The following SRRM3 variants were observed in gnomAD, a reference collection of about 807,000 sequenced individuals.
The protein encoded by SRRM3 is serine/arginine repetitive matrix protein 3.
A neutral mutation model predicts 66.2 loss-of-function variants in SRRM3; 27 were observed. That is an observed-to-expected ratio of 0.41 (90% CI 0.30 to 0.56). The LOEUF is 0.56. SRRM3 is among the 20% of genes least tolerant of loss of function. SRRM3 has a pLI of 0.32. For missense variants in SRRM3, 918 were observed against 991.9 expected, an observed-to-expected ratio of 0.93 and a Z score of 1.00; for synonymous variants, 391 against 414.9, an observed-to-expected ratio of 0.94 and a Z score of 0.70.
chr7:76,203,445 A>G (rs1800210781), intron 1 of SRRM3, among the ~76,000 whole-genome samples: 1 of 152,258 alleles, frequency 6.6e-6, no homozygotes, highest in East Asian at 1.9e-4. Flanking sequence ...GTTGAAAGAA[A>G]TAATCTGGAT....
chr7:76,244,490 C>G (rs1801388304), intron 2 of SRRM3, among the ~76,000 whole-genome samples: 5 of 146,582 alleles, frequency 3.4e-5, no homozygotes, highest in Admixed American at 2.8e-4. Flanking sequence ...TGCCACTGCA[C>G]TCTAGCCTGG....
At chr7:76,283,530 C>G in intron 14 of SRRM3, 1 of 458,320 alleles carries the variant, frequency 2.2e-6, no homozygotes, top group South Asian at 1.6e-5. Flanking sequence ...CAAGGTCCAG[C>G]CTGCTGAGTG....
intron 11 of SRRM3, among the ~76,000 whole-genome samples, chr7:76,279,886 G>A (rs1283462922): frequency 4.6e-5 from 7 of 152,076 alleles, no homozygotes; most frequent in African/African-American, 1.7e-4. Context: ...CTCAGGAGCC[G>A]GGCGCTGCCA....
In SRRM3 at chr7:76,235,370, T is replaced by C. The variant is rs868928867; in HGVS notation, c.233+71T>C. 219 of 1,262,326 alleles carry C rather than the reference T, an allele frequency of 1.7e-4. No homozygotes were observed. The Middle Eastern group carries it at 3.9e-3, about 22-fold the overall frequency. The allele number at this position is 1,262,326 out of a possible 1,614,324, so 78.2% of individuals were successfully genotyped here. A position where few individuals can be genotyped will look rare whatever the true frequency, so the allele number is the denominator to read the frequency against. ...CGAGGGTGGGAGAAGCGAGTGATGCTGCACGTGGGCGTGGCGAACGTCGTG... is the reference window on the plus strand; with the variant it reads ...CGAGGGTGGGAGAAGCGAGTGATGCCGCACGTGGGCGTGGCGAACGTCGTG... On this transcript the variant is annotated intron_variant, in intron 2 of 14. Coordinates refer to ENST00000611745, the MANE Select transcript of SRRM3 (RefSeq NM_001110199.3).
chr7:76,251,663 C>T (rs1563626086), intron 3 of SRRM3, among the ~76,000 whole-genome samples: 1 of 152,024 alleles, frequency 6.6e-6, no homozygotes, highest in East Asian at 1.9e-4. Context: ...CGTGAGCCAC[C>T]GCGCCCGGCC....
chr7:76,244,523 C>CAAA (rs10611441), intron 2 of SRRM3, among the ~76,000 whole-genome samples: 1 of 112,186 alleles, frequency 8.9e-6, no homozygotes, highest in Non-Finnish European at 1.8e-5. Context: ...GACTCCATCT[C>CAAA]AAAAAAAAAA....
chr7:76,248,229 G>A lies in SRRM3; in HGVS notation c.275G>A (p.Arg92Gln), dbSNP rs781784590. Reference sequence around the variant, plus strand: ...ATTCGGCAGAAAGTGGGGACATTCCGGCAGATGCTGATGGAGAAGGAGGGA... The same window carrying A: ...ATTCGGCAGAAAGTGGGGACATTCCAGCAGATGCTGATGGAGAAGGAGGGA... Reference protein sequence around the residue: ...EEIRQKVGTFRQMLMEKEGVL... With the variant: ...EEIRQKVGTFQQMLMEKEGVL... Residue 92 changes from arginine (R) to glutamine (Q), a missense_variant, in exon 3 of 15, where the codon CGG becomes CAG. Coordinates refer to ENST00000611745, the MANE Select transcript of SRRM3 (RefSeq NM_001110199.3). The A allele has an allele frequency of 5.6e-6, 9 of 1,613,698 alleles. No individual in the cohort carries two copies. The highest frequency in any genetic ancestry group is 2.2e-5 in the East Asian group (1 of 44,904).
Position 76,282,749 on chromosome 7 carries a change from G to A in SRRM3, c.1472G>A (p.Ser491Asn). Reference sequence around the variant, plus strand: ...CCAGAAGGGAAGAGCTCGTCGCGCAGCCCCGGCCCGCACCCCCGCTCCTGG... The same window carrying A: ...CCAGAAGGGAAGAGCTCGTCGCGCAACCCCGGCCCGCACCCCCGCTCCTGG... Reference protein sequence around the residue: ...GGPEGKSSSRSPGPHPRSWSS... With the variant: ...GGPEGKSSSRNPGPHPRSWSS... Residue 491 changes from serine (S) to asparagine (N), a missense_variant, in exon 13 of 15, where the codon AGC becomes AAC. Ser to Asn is a conservative substitution (Grantham distance 46). Coordinates refer to ENST00000611745, the MANE Select transcript of SRRM3 (RefSeq NM_001110199.3). The A allele has an allele frequency of 6.8e-7, 1 of 1,464,230 alleles. No individual in the cohort carries two copies. Among genetic ancestry groups the A allele is most frequent in the Non-Finnish European group, 9.0e-7 (1 of 1,114,148 alleles). The allele number at this position is 1,464,230 out of a possible 1,614,324, so 90.7% of individuals were successfully genotyped here.
intron 3 of SRRM3, among the ~76,000 whole-genome samples, chr7:76,249,157 G>A (rs371059133): frequency 4.0e-5 from 6 of 151,700 alleles, no homozygotes; most frequent in African/African-American, 1.5e-4. Flanking sequence ...AGGCCAAGGT[G>A]GGAGGATTGC....
rs147115066 is a variant in SRRM3 at position 76,241,954 on chromosome 7, C to T, written c.234-6234C>T. On this transcript the variant is annotated intron_variant, in intron 2 of 14. Transcript: ENST00000611745. Reference sequence around the variant, plus strand: ...AAAGAAAATAAGTTTACTTGGCTCACGGTTCTAGAGGCTTGTACAGAAGCA... The same window carrying T: ...AAAGAAAATAAGTTTACTTGGCTCATGGTTCTAGAGGCTTGTACAGAAGCA... Among the ~76,000 whole-genome samples, 365 of 152,286 alleles carry T rather than the reference C, an allele frequency of 2.4e-3. 2 individuals carry two copies. Among genetic ancestry groups the T allele is most frequent in the African/African-American group, 8.5e-3 (352 of 41,558 alleles).
chr7:76,264,293 A>G lies in SRRM3; in HGVS notation c.675-472A>G, dbSNP rs574390351. ...GCGATTCTCTTGCCTCAGCCTCCCT[A>G]GTAGCTGGGATTATAGGCACACACC... On this transcript the variant is annotated intron_variant, in intron 8 of 14. Coordinates refer to ENST00000611745, the MANE Select transcript of SRRM3 (RefSeq NM_001110199.3). 9.3e-5 allele frequency among the ~76,000 whole-genome samples: 14 copies of G among 150,898 alleles called. No individual in the cohort carries two copies. The South Asian group carries it at 2.9e-3, about 31-fold the overall frequency.
chr7:76,278,620 C>A (rs1802420699), intron 11 of SRRM3, among the ~76,000 whole-genome samples: 1 of 152,200 alleles, frequency 6.6e-6, no homozygotes, highest in Non-Finnish European at 1.5e-5. Flanking sequence ...AGGAAATATC[C>A]ATTGTGCCCA....
At chr7:76,205,283 C>T (rs1191551354) in intron 1 of SRRM3, among the ~76,000 whole-genome samples, 1 of 152,168 alleles carries the variant, frequency 6.6e-6, no homozygotes, top group Non-Finnish European at 1.5e-5. Flanking sequence ...AATCTCAGCT[C>T]ACTGCAACCT....
At chr7:76,235,537 G>GTAT (rs1249599250) in intron 2 of SRRM3, among the ~76,000 whole-genome samples, 3 of 152,172 alleles carry the variant, frequency 2.0e-5, no homozygotes, top group Non-Finnish European at 4.4e-5. Flanking sequence ...TTTCATTTAT[G>GTAT]TATTAGGTTG....
Position 76,281,711 on chromosome 7 carries a change from C to A in SRRM3, c.1279C>A (p.Arg427Ser). ...CTCGTCGCGCTCGCTCAGCAGGGCC[C>A]GCTCCAGCAGCGACTCCGGCAGCGG... ...RGSSRSLSRA[R>S]SSSDSGSGRG... Residue 427 changes from arginine (R) to serine (S), a missense_variant, in exon 12 of 15, where the codon CGC (arginine) becomes AGC (serine). By Grantham distance (110) the Arg-to-Ser change is moderately radical. Coordinates refer to ENST00000611745, the MANE Select transcript of SRRM3 (RefSeq NM_001110199.3). 1 of 1,199,676 alleles carries A rather than the reference C, an allele frequency of 8.3e-7. No individual in the cohort carries two copies. The highest frequency in any genetic ancestry group is 1.0e-6 in the Non-Finnish European group (1 of 962,048). The allele number at this position is 1,199,676 out of a possible 1,614,324, so 74.3% of individuals were successfully genotyped here. A position where few individuals can be genotyped will look rare whatever the true frequency, so the allele number is the denominator to read the frequency against.
chr7:76,264,658 A>T, intron 8 of SRRM3, 107 bp from the exon 9 acceptor site: 1 of 1,192,414 alleles, frequency 8.4e-7, no homozygotes, highest in Non-Finnish European at 1.2e-6. Context: ...CTTAGGCCCT[A>T]GAGTGGAACA....
At chr7:76,215,781 C>T (rs1285835256) in intron 1 of SRRM3, among the ~76,000 whole-genome samples, 1 of 148,270 alleles carries the variant, frequency 6.7e-6, no homozygotes, top group Non-Finnish European at 1.5e-5. Context: ...CATGTGCCAC[C>T]ACACCTGGCT....
In SRRM3 at chr7:76,214,780, GA is replaced by G. The variant is rs1246925165; in HGVS notation, c.-40+12723del. On this transcript the variant is annotated intron_variant, in intron 1 of 14. Transcript: ENST00000611745. ...TGAGAAACTTTCCTTTTTGTAAAAA[GA>G]AAAAAAAAATAGAGATGGGGTCTTG... 8.6e-3 allele frequency among the ~76,000 whole-genome samples: 1,278 copies of G among 148,436 alleles called. 25 individuals carry two copies. The highest frequency in any genetic ancestry group is 0.029 in the African/African-American group (1,191 of 40,588).
intron 1 of SRRM3, among the ~76,000 whole-genome samples, chr7:76,220,161 C>T (rs1183187794): frequency 6.6e-6 from 1 of 152,220 alleles, no homozygotes; most frequent in Non-Finnish European, 1.5e-5. Context: ...AAGCCCTGTG[C>T]TGAGCACTAG....
Sources: gnomAD v4.1 joint callset for allele counts (sites outside exome capture counted in the v4.1 genomes callset) on GRCh38, gnomAD v4.1.1 for gene constraint, MANE v1.5 for transcripts, NCBI Gene and HGNC (gene_info 2026-07-23, HGNC 2026-07-21) for gene names.